Variants in CCDC88A observed in about 807,000 individuals in gnomAD.
CCDC88A encodes the protein girdin.
CCDC88A carries 54 observed loss-of-function variants against 234.3 expected under a neutral mutation model. The observed-to-expected ratio is 0.23, with a 90% CI of 0.19 to 0.29. The LOEUF is 0.29. Among genes scored for constraint, CCDC88A ranks in the 10% least tolerant of loss-of-function variants. The pLI is 1.00. For synonymous variants in CCDC88A, 753 were observed against 737.8 expected, an observed-to-expected ratio of 1.02 and a Z score of -0.33; for missense variants, 1,832 against 2,123.4, an observed-to-expected ratio of 0.86 and a Z score of 2.70.
intron 25 of CCDC88A, chr2:55,305,985 A>G (rs10209598): frequency 0.17 from 26,337 of 151,782 alleles, 5,207 homozygotes; most frequent in African/African-American, 0.49. Context: ...GCGTGATCTC[A>G]GCTCACTGCA....
chr2:55,346,389 C>T, intron 9 of CCDC88A, 56 bp from the exon 10 acceptor site: 2 of 948,298 alleles, frequency 2.1e-6, no homozygotes, highest in Non-Finnish European at 3.1e-6. Context: ...ACTTGTTATT[C>T]TTTGTTGCAC....
chr2:55,335,255 A>G lies in CCDC88A; in HGVS notation c.1657-91T>C. 3 of 750,770 alleles carry G rather than the reference A, an allele frequency of 4.0e-6. No individual in the cohort carries two copies. Among genetic ancestry groups the G allele is most frequent in the South Asian group, 5.7e-5 (2 of 34,982 alleles). 46.5% of individuals were successfully genotyped at this position (750,770 alleles called of 1,614,324 possible). On this transcript the variant is annotated intron_variant, in intron 14 of 32. Coordinates refer to ENST00000436346, the MANE Select transcript of CCDC88A (RefSeq NM_001365480.1). This position sits in a 1 kb window ranked among gnomAD's most constrained non-coding sequence, Gnocchi z 4.5. Reference sequence around the variant, plus strand: ...CAAAAACTACCAAGAAAAGGGGAACAAAAAAAGGGTGCTAGAACATGTCTT... The same window carrying G: ...CAAAAACTACCAAGAAAAGGGGAACGAAAAAAGGGTGCTAGAACATGTCTT...
At chr2:55,349,397 G>A in intron 9 of CCDC88A, 121 bp downstream of exon 9, 1 of 712,356 alleles carries the variant, frequency 1.4e-6, no homozygotes, top group Admixed American at 3.0e-5. Context: ...CCAATCTCTT[G>A]AAGCCTCAGG....
chr2:55,336,650 A>G, intron 14 of CCDC88A, 31 bp downstream of exon 14: 1 of 1,391,622 alleles, frequency 7.2e-7, no homozygotes, highest in Non-Finnish European at 9.7e-7. Flanking sequence ...ATTTTAAAAT[A>G]CATTGTTTAC....
At position 55,377,425 on chromosome 2, in the gene CCDC88A, T is replaced by C. The variant is rs185401763; in HGVS notation, c.274-2542A>G. 2.2e-3 allele frequency among the ~76,000 whole-genome samples: 328 copies of C among 151,898 alleles called. 2 individuals are homozygous for C. The highest frequency in any genetic ancestry group is 7.7e-3 in the African/African-American group (321 of 41,456). On this transcript the variant is annotated intron_variant, in intron 3 of 32. Transcript: ENST00000436346. The stretch of plus-strand genomic sequence containing the variant: ...CTCCTGTCTTGGCCTCCCAAAGTGG[T>C]GCGATTACAGGCATAGGCCACCGTG...
At chr2:55,311,820 G>A (rs1682384458) in intron 23 of CCDC88A, among the ~76,000 whole-genome samples, 1 of 152,150 alleles carries the variant, frequency 6.6e-6, no homozygotes, top group Admixed American at 6.6e-5. Context: ...ATTAAGCCCT[G>A]TCAACTCTCT....
intron 2 of CCDC88A, among the ~76,000 whole-genome samples, chr2:55,399,228 G>A (rs1257114069): frequency 2.0e-5 from 3 of 152,002 alleles, no homozygotes; most frequent in African/African-American, 7.2e-5. Context: ...AGAAGAAATT[G>A]CTTTTAAAAA....
At chr2:55,417,162 G>T (rs1468253378) in intron 2 of CCDC88A, 1 of 151,730 alleles carries the variant, frequency 6.6e-6, no homozygotes, top group Admixed American at 6.6e-5. Flanking sequence ...TTTGTTTTTA[G>T]CACCTCAGCT....
intron 5 of CCDC88A, 130 bp downstream of exon 5, chr2:55,372,322 T>C (rs1490833655): frequency 1.9e-6 from 1 of 535,290 alleles, no homozygotes; most frequent in Non-Finnish European, 3.4e-6. Context: ...GGTTATACAG[T>C]TATTGAAAAT....
At chr2:55,392,639 C>A (rs1676835620) in intron 2 of CCDC88A, among the ~76,000 whole-genome samples, 1 of 152,214 alleles carries the variant, frequency 6.6e-6, no homozygotes, top group Non-Finnish European at 1.5e-5. Flanking sequence ...TGAATGCTAT[C>A]ATTTTTTGTT....
At chr2:55,404,828 C>G (rs564856810) in intron 2 of CCDC88A, 1 of 152,492 alleles carries the variant, frequency 6.6e-6, no homozygotes, top group Admixed American at 6.5e-5. Context: ...CTCCCGGGCT[C>G]AAGCAATTCT....
In CCDC88A at chr2:55,355,844, A is replaced by G. The variant is rs142442082; in HGVS notation, c.628-93T>C. ...CACTAGGTCTAAGAATTGTACTGCC[A>G]TATCAAAAACAATTCACTGGTCAAA... is the stretch of plus-strand genomic sequence containing the variant. On this transcript the variant is annotated intron_variant, in intron 7 of 32. Transcript: ENST00000436346. The G allele has an allele frequency of 2.5e-4, 232 of 930,294 alleles. 1 individual carries two copies. In the African/African-American group the frequency reaches 3.4e-3, roughly 14 times the overall value. The allele number at this position is 930,294 out of a possible 1,614,324, so 57.6% of individuals were successfully genotyped here. A position where few individuals can be genotyped will look rare whatever the true frequency, so the allele number is the denominator to read the frequency against.
At chr2:55,301,173 T>C in intron 28 of CCDC88A, 33 bp downstream of exon 28, 1 of 1,241,630 alleles carries the variant, frequency 8.1e-7, no homozygotes, top group South Asian at 1.3e-5. Flanking sequence ...CTGTATTTAA[T>C]GTGTACTCTC....
At chr2:55,366,165 ATTT>A (rs1420510945) in intron 5 of CCDC88A, among the ~76,000 whole-genome samples, 4 of 152,160 alleles carry the variant, frequency 2.6e-5, no homozygotes, top group Non-Finnish European at 5.9e-5. Context: ...ACTAAAATTA[ATTT>A]TTTAACTCTA....
At chr2:55,395,215 T>G (rs764890293) in intron 2 of CCDC88A, among the ~76,000 whole-genome samples, 4 of 152,162 alleles carry the variant, frequency 2.6e-5, no homozygotes, top group Non-Finnish European at 5.9e-5. Flanking sequence ...TGGCCTCAAG[T>G]GATCCTCCTG....
At chr2:55,339,727 G>C in intron 12 of CCDC88A, 79 bp from the exon 13 acceptor site, 2 of 1,153,432 alleles carry the variant, frequency 1.7e-6, no homozygotes, top group Non-Finnish European at 2.4e-6. Context: ...TTAAAAAGTT[G>C]AGTGTATATG....
chr2:55,297,662 C>T (rs946210888), intron 29 of CCDC88A, among the ~76,000 whole-genome samples: 3 of 151,442 alleles, frequency 2.0e-5, no homozygotes, highest in Non-Finnish European at 4.4e-5. Context: ...CTGCCCACCT[C>T]GGCCTCACAA....
chr2:55,330,000 AT>A lies in CCDC88A; in HGVS notation c.2856-1566del, dbSNP rs1330524901. On this transcript the variant is annotated intron_variant, in intron 16 of 32. Transcript: ENST00000436346. Reference sequence around the variant, plus strand: ...GGTCTTGAACTCCTGACCTCAAGTGATCCGCCTGCCTCAGCCTCCCAAAGTG... The same window carrying A: ...GGTCTTGAACTCCTGACCTCAAGTGACCGCCTGCCTCAGCCTCCCAAAGTG... 20 of 152,184 alleles carry A rather than the reference AT, an allele frequency of 1.3e-4. 1 individual carries two copies. The highest frequency in any genetic ancestry group is 4.8e-4 in the African/African-American group (20 of 41,534). The allele number at this position is 152,184 out of a possible 1,614,324, so 9.4% of individuals were successfully genotyped here. A position where few individuals can be genotyped will look rare whatever the true frequency, so the allele number is the denominator to read the frequency against.
At chr2:55,371,867 A>C (rs1672900219) in intron 5 of CCDC88A, among the ~76,000 whole-genome samples, 1 of 152,082 alleles carries the variant, frequency 6.6e-6, no homozygotes, top group Non-Finnish European at 1.5e-5. Context: ...TACCCTACCC[A>C]ATCTCCTGAC....
Sources: allele counts gnomAD v4.1 joint callset (sites outside exome capture counted in the v4.1 genomes callset), GRCh38; gene constraint gnomAD v4.1.1; non-coding constraint Gnocchi (gnomAD v3.1); transcripts MANE v1.5; gene names NCBI Gene and HGNC (gene_info 2026-07-23, HGNC 2026-07-21).